The following CD6 variants were observed in gnomAD, a reference collection of about 807,000 sequenced individuals.
CD6 encodes the protein CD6 molecule.
In CD6, 53 loss-of-function variants were observed where a neutral mutation model predicts 75.3. That is an observed-to-expected ratio of 0.70 (90% CI 0.56 to 0.88). The LOEUF (loss-of-function observed/expected upper bound fraction) is 0.88, where lower values mean the gene tolerates loss of function less well. Ranked by LOEUF, CD6 falls within the 40% of genes least tolerant of loss-of-function variation. CD6 has a pLI of 0.00. For synonymous variants in CD6, 359 were observed against 381.5 expected, an observed-to-expected ratio of 0.94 and a Z score of 0.69; for missense variants, 770 against 897.1, an observed-to-expected ratio of 0.86 and a Z score of 1.81.
intron 7 of CD6, among the ~76,000 whole-genome samples, 177 bp from the exon 8 acceptor site, chr11:61,013,742 C>CA (rs1859264927): frequency 6.6e-6 from 1 of 152,238 alleles, no homozygotes; most frequent in South Asian, 2.1e-4. Context: ...CGGGGAGAAC[C>CA]AGACTGTGCA....
intron 1 of CD6, among the ~76,000 whole-genome samples, chr11:60,989,863 T>C (rs1857992519): frequency 6.6e-6 from 1 of 152,172 alleles, no homozygotes; most frequent in Admixed American, 6.5e-5. Flanking sequence ...CTTCTGAGCA[T>C]TGTTAAGGAG....
chr11:60,993,849 T>C (rs12283181), intron 1 of CD6, among the ~76,000 whole-genome samples: 6,245 of 152,274 alleles, frequency 0.041, 419 homozygotes, highest in African/African-American at 0.14. Context: ...TTCATGGAAC[T>C]GAATGCAGGC....
intron 1 of CD6, among the ~76,000 whole-genome samples, chr11:60,981,648 G>A (rs1387210820): frequency 6.6e-6 from 1 of 152,232 alleles, no homozygotes; most frequent in African/African-American, 2.4e-5. Flanking sequence ...GGAGAGACCT[G>A]TGGCCACAGC....
chr11:60,991,634 GT>G (rs968876633), intron 1 of CD6, among the ~76,000 whole-genome samples: 6 of 151,400 alleles, frequency 4.0e-5, no homozygotes, highest in Non-Finnish European at 7.4e-5. Flanking sequence ...GGTATTGGGG[GT>G]TTTTATGGTA....
intron 1 of CD6, among the ~76,000 whole-genome samples, chr11:61,001,086 A>G (rs1221259876): frequency 1.3e-5 from 2 of 152,154 alleles, no homozygotes; most frequent in Admixed American, 6.5e-5. Flanking sequence ...TGGTAAATGA[A>G]CTTAGCATTA....
At chr11:61,018,526 ACTTTTT>A in intron 12 of CD6, 133 bp downstream of exon 12, 1 of 724,012 alleles carries the variant, frequency 1.4e-6, no homozygotes, top group Admixed American at 2.8e-5. Flanking sequence ...AGGGAAAGTA[ACTTTTT>A]AAAAAACAAA....
At position 61,017,933 on chromosome 11, in the gene CD6, A is replaced by C. The variant is rs778958056; in HGVS notation, c.1757A>C (p.Gln586Pro). The change falls in exon 11 of 13, where the codon CAG (glutamine) becomes CCG (proline). Residue 586 changes from glutamine (Q) to proline (P), a missense_variant. Coordinates refer to ENST00000313421, the MANE Select transcript of CD6 (RefSeq NM_006725.5). The part of the protein sequence containing the change: ...PKSKLPPWNP[Q>P]VFSSERSSFL... ...AGCAAGCTGCCTCCATGGAACCCCC[A>C]GGTGTTTTCTTCAGAGAGGAGTTCC... is the stretch of plus-strand genomic sequence containing the variant. 2.5e-6 allele frequency: 4 copies of C among 1,613,880 alleles called. No homozygotes were observed. The highest frequency in any genetic ancestry group is 1.1e-5 in the South Asian group (1 of 91,084).
intron 10 of CD6, 88 bp downstream of exon 10, chr11:61,017,638 C>T: frequency 1.3e-6 from 2 of 1,570,286 alleles, no homozygotes; most frequent in Non-Finnish European, 1.8e-6. Flanking sequence ...CAGGAACCTC[C>T]CTCAATGAGT....
intron 1 of CD6, among the ~76,000 whole-genome samples, chr11:60,987,178 G>A (rs2135051806): frequency 6.6e-6 from 1 of 152,354 alleles, no homozygotes; most frequent in Non-Finnish European, 1.5e-5. Context: ...CAAAGTCCAA[G>A]ATCAAAGAGT....
intron 1 of CD6, among the ~76,000 whole-genome samples, chr11:60,977,765 GA>G (rs920596677): frequency 2.5e-4 from 38 of 152,056 alleles, no homozygotes; most frequent in African/African-American, 8.0e-4. Flanking sequence ...AAATAGCTGG[GA>G]TTACAGGCGC....
At chr11:61,013,285 T>C in intron 6 of CD6, 138 bp from the exon 7 acceptor site, 2 of 967,440 alleles carry the variant, frequency 2.1e-6, no homozygotes, top group Non-Finnish European at 3.1e-6. Context: ...TTAAAAGCAA[T>C]GAGAAAATTG....
At chr11:60,972,680 G>C (rs1203062258) in intron 1 of CD6, among the ~76,000 whole-genome samples, 1 of 152,224 alleles carries the variant, frequency 6.6e-6, no homozygotes. Flanking sequence ...TGGGATTTGG[G>C]AAGACTGGTA....
Position 61,017,949 on chromosome 11 carries a change from G to C in CD6, c.1773G>C (p.Glu591Asp), listed in dbSNP as rs532824107. The change falls in exon 11 of 13, where the codon GAG becomes GAC. Residue 591 changes from glutamate (E) to aspartate (D), a missense_variant. Glu to Asp is a conservative substitution (Grantham distance 45). Coordinates refer to ENST00000313421, the MANE Select transcript of CD6 (RefSeq NM_006725.5). ...PPWNPQVFSS[E>D]RSSFLEQPPN... ...GGAACCCCCAGGTGTTTTCTTCAGA[G>C]AGGAGTTCCTTCCTGGAGCAGCCCC... 1.2e-6 allele frequency: 2 copies of C among 1,613,780 alleles called. No homozygotes were observed. The highest frequency in any genetic ancestry group is 1.7e-6 in the Non-Finnish European group (2 of 1,180,044).
chr11:61,017,485 AGC>A lies in CD6; in HGVS notation c.1519_1520del (p.Arg507AlafsTer6). 2 of 1,549,054 alleles carry A rather than the reference AGC, an allele frequency of 1.3e-6. No individual in the cohort carries two copies. Among genetic ancestry groups the A allele is most frequent in the Non-Finnish European group, 1.7e-6 (2 of 1,146,764 alleles). On this transcript the variant is annotated frameshift_variant, in exon 10 of 13. Coordinates refer to ENST00000313421, the MANE Select transcript of CD6 (RefSeq NM_006725.5). LOFTEE classifies it high-confidence loss of function. ...CCACCGCCTCTGCTTGCAGATTCCC[AGC>A]GGCATCGGGTCACAGATGAGGAGGT...
chr11:61,014,875 A>G (rs1344565844), intron 8 of CD6, among the ~76,000 whole-genome samples: 1 of 152,234 alleles, frequency 6.6e-6, no homozygotes, highest in East Asian at 1.9e-4. Flanking sequence ...TCAATGACAT[A>G]AAAACCAATA....
At chr11:60,999,799 C>T (rs952281768) in intron 1 of CD6, among the ~76,000 whole-genome samples, 2 of 152,150 alleles carry the variant, frequency 1.3e-5, no homozygotes, top group Middle Eastern at 3.4e-3. Flanking sequence ...GTAATCCCAG[C>T]ACTTTGGGAG....
At chr11:60,981,688 T>C (rs2080122326) in intron 1 of CD6, among the ~76,000 whole-genome samples, 1 of 152,000 alleles carries the variant, frequency 6.6e-6, no homozygotes, top group Admixed American at 6.6e-5. Context: ...GGGCAGGCGC[T>C]CCCAGGGACA....
intron 1 of CD6, among the ~76,000 whole-genome samples, chr11:60,995,463 A>G (rs1858253439): frequency 1.3e-5 from 2 of 152,124 alleles, no homozygotes; most frequent in South Asian, 2.1e-4. Flanking sequence ...TCTAATTTTA[A>G]TGGAATTACA....
chr11:61,018,696 T>G, intron 12 of CD6: 2 of 356,862 alleles, frequency 5.6e-6, no homozygotes, highest in Non-Finnish European at 1.0e-5. Flanking sequence ...CACGTGCCTA[T>G]AGTCCCAGCT....
Sources: gnomAD v4.1 joint callset for allele counts (sites outside exome capture counted in the v4.1 genomes callset) on GRCh38, gnomAD v4.1.1 for gene constraint, MANE v1.5 for transcripts, NCBI Gene and HGNC (gene_info 2026-07-23, HGNC 2026-07-21) for gene names.